The following NAPB variants were observed in gnomAD, a reference collection of about 807,000 sequenced individuals.
The protein encoded by NAPB is beta-soluble NSF attachment protein.
Under a neutral mutation model 44.7 loss-of-function variants are expected in NAPB, and 26 were observed. That is an observed-to-expected ratio of 0.58 (90% CI 0.43 to 0.81). The LOEUF (loss-of-function observed/expected upper bound fraction) is 0.81. Ranked by LOEUF, NAPB falls within the 30% of genes least tolerant of loss-of-function variation. NAPB has a pLI of 0.00. For missense variants in NAPB, 315 were observed against 356.4 expected, an observed-to-expected ratio of 0.88 and a Z score of 0.94; for synonymous variants, 120 against 116.8, an observed-to-expected ratio of 1.03 and a Z score of -0.18.
chr20:23,409,956 T>G (rs1485908411), intron 1 of NAPB, among the ~76,000 whole-genome samples: 1 of 152,126 alleles, frequency 6.6e-6, no homozygotes, highest in Non-Finnish European at 1.5e-5. Flanking sequence ...AGCAAGGAAG[T>G]GCCCTACCAG....
rs528965862 is a variant in NAPB at position 23,397,360 on chromosome 20, G to C, written c.179-172C>G. 1.6e-4 allele frequency among the ~76,000 whole-genome samples: 24 copies of C among 152,294 alleles called. No homozygotes were observed. In the East Asian group the frequency reaches 2.5e-3, roughly 16 times the overall value. On this transcript the variant is annotated intron_variant, in intron 2 of 10. Coordinates refer to ENST00000377026, the MANE Select transcript of NAPB (RefSeq NM_022080.3). ...CCTCGGGCAAATATAAAAATAACCA[G>C]AATCAAGTCAAACAGCGATGAAAGC...
intron 5 of NAPB, among the ~76,000 whole-genome samples, chr20:23,394,199 G>A (rs1388779157): frequency 6.6e-6 from 1 of 152,190 alleles, no homozygotes; most frequent in African/African-American, 2.4e-5. Flanking sequence ...GTGGCATGGG[G>A]ATGTGGGGTT....
chr20:23,379,040 A>G (rs185888352), intron 10 of NAPB: 34 of 154,764 alleles, frequency 2.2e-4, no homozygotes, highest in Admixed American at 1.8e-3. Context: ...GATGGTCTCA[A>G]TTTCCTGACT....
At position 23,410,865 on chromosome 20, in the gene NAPB, T is replaced by C. The variant is rs138832756; in HGVS notation, c.99-7793A>G. 4.8e-4 allele frequency among the ~76,000 whole-genome samples: 73 copies of C among 152,190 alleles called. 1 individual carries two copies. The highest frequency in any genetic ancestry group is 1.5e-3 in the African/African-American group (63 of 41,518). On this transcript the variant is annotated intron_variant, in intron 1 of 10. Transcript: ENST00000377026. ...ATGAAAGTACATCATAAGCTAGAAATTTAAAAACTCATCATGGAAATACAC... is the reference window on the plus strand; with the variant it reads ...ATGAAAGTACATCATAAGCTAGAAACTTAAAAACTCATCATGGAAATACAC...
chr20:23,377,951 C>T (rs1452200074), intron 10 of NAPB, among the ~76,000 whole-genome samples: 3 of 152,108 alleles, frequency 2.0e-5, no homozygotes, highest in East Asian at 3.9e-4. Flanking sequence ...AAAAGTCAGA[C>T]AGGAAAACAT....
chr20:23,399,363 T>A (rs1984650450), intron 2 of NAPB, among the ~76,000 whole-genome samples: 1 of 151,986 alleles, frequency 6.6e-6, no homozygotes, highest in African/African-American at 2.4e-5. Context: ...AGTGCCCTTA[T>A]AAAAGAGGTT....
rs918811549 is a variant in NAPB, at chr20:23,377,213, T to C, written c.*163A>G. 9.9e-6 allele frequency: 4 copies of C among 404,638 alleles called. No homozygotes were observed. Among genetic ancestry groups the C allele is most frequent in the African/African-American group, 6.1e-5 (3 of 49,294 alleles). The allele number at this position is 404,638 out of a possible 1,614,324, so 25.1% of individuals were successfully genotyped here. A position where few individuals can be genotyped will look rare whatever the true frequency, so the allele number is the denominator to read the frequency against. Reference sequence around the variant, plus strand: ...AAGATGAACAGGAGCCTCTCCTTCATTCATTTCACAGCAACACAGACTTGG... The same window carrying C: ...AAGATGAACAGGAGCCTCTCCTTCACTCATTTCACAGCAACACAGACTTGG... On this transcript the variant is annotated 3_prime_UTR_variant, in exon 11 of 11. Transcript: ENST00000377026.
chr20:23,402,521 G>C (rs1984928481), intron 2 of NAPB, among the ~76,000 whole-genome samples: 1 of 152,010 alleles, frequency 6.6e-6, no homozygotes, highest in South Asian at 2.1e-4. Context: ...CCCACTTTCA[G>C]TTCTCAGTGG....
intron 9 of NAPB, 27 bp from the exon 10 acceptor site, chr20:23,379,522 A>C (rs1015015147): frequency 3.2e-6 from 5 of 1,565,856 alleles, no homozygotes; most frequent in Non-Finnish European, 4.4e-6. Flanking sequence ...ATTTTAAAAA[A>C]CAGTTCTGTA....
At chr20:23,379,777 A>G (rs1982849712) in intron 9 of NAPB, 90 bp downstream of exon 9, 3 of 986,476 alleles carry the variant, frequency 3.0e-6, no homozygotes, top group Non-Finnish European at 4.7e-6. Flanking sequence ...GACTTTATAG[A>G]TTAAAACTTC....
Position 23,377,104 on chromosome 20 carries a change from T to C in NAPB, c.*272A>G, listed in dbSNP as rs1982580340. 8.9e-6 allele frequency: 2 copies of C among 225,874 alleles called. No individual in the cohort carries two copies. Among genetic ancestry groups the C allele is most frequent in the Non-Finnish European group, 1.7e-5 (2 of 116,044 alleles). The allele number at this position is 225,874 out of a possible 1,614,324, so 14.0% of individuals were successfully genotyped here. A position where few individuals can be genotyped will look rare whatever the true frequency, so the allele number is the denominator to read the frequency against. On this transcript the variant is annotated 3_prime_UTR_variant, in exon 11 of 11. Transcript: ENST00000377026. ...TAAACATAGGCTCCACAAATACCAA[T>C]GAAATATGAGGAATGAGATTCTGAA...
In NAPB at chr20:23,421,470, C is replaced by T. The variant is rs568465061; in HGVS notation, c.-68G>A. The T allele has an allele frequency of 2.5e-4, 359 of 1,410,678 alleles. 2 individuals carry two copies. The African/African-American group carries it at 4.7e-3, about 19-fold the overall frequency. The allele number at this position is 1,410,678 out of a possible 1,614,324, so 87.4% of individuals were successfully genotyped here. A position where few individuals can be genotyped will look rare whatever the true frequency, so the allele number is the denominator to read the frequency against. On this transcript the variant is annotated 5_prime_UTR_variant, in exon 1 of 11. Coordinates refer to ENST00000377026, the MANE Select transcript of NAPB (RefSeq NM_022080.3). ...GTGCGCCCAGGCGCCTTAACCCTCC[C>T]TCTGGCGGCCGCAGGGACGCAGGCG... is the stretch of plus-strand genomic sequence containing the variant.
Position 23,392,510 on chromosome 20 carries a change from T to TA in NAPB, c.421-2247dup, listed in dbSNP as rs1400490764. 2.0e-5 allele frequency among the ~76,000 whole-genome samples: 3 copies of TA among 151,960 alleles called. No homozygotes were observed. The East Asian group carries it at 5.9e-4, about 30-fold the overall frequency. ...AAAAGACCTCATTTGTATGAAAAAT[T>TA]AAAAAATTAGCCGGGCATGGTGGCA... On this transcript the variant is annotated intron_variant, in intron 5 of 10. Coordinates refer to ENST00000377026, the MANE Select transcript of NAPB (RefSeq NM_022080.3).
At chr20:23,421,137 G>T (rs1600262395) in intron 1 of NAPB, among the ~76,000 whole-genome samples, 168 bp downstream of exon 1, 1 of 151,348 alleles carries the variant, frequency 6.6e-6, no homozygotes, top group East Asian at 2.0e-4. Context: ...TCCAGGGGGC[G>T]CTGGGGGACC....
chr20:23,383,321 A>G (rs1983188520), intron 7 of NAPB, among the ~76,000 whole-genome samples: 1 of 152,188 alleles, frequency 6.6e-6, no homozygotes, highest in Non-Finnish European at 1.5e-5. Context: ...CATTATAATT[A>G]AACTTTTGAA....
At chr20:23,398,378 T>C (rs1054840896) in intron 2 of NAPB, among the ~76,000 whole-genome samples, 1 of 152,158 alleles carries the variant, frequency 6.6e-6, no homozygotes, top group African/African-American at 2.4e-5. Flanking sequence ...CCAATTCTTT[T>C]CTTTTTTTCA....
At chr20:23,383,663 T>C (rs57226979) in intron 7 of NAPB, among the ~76,000 whole-genome samples, 3,073 of 152,292 alleles carry the variant, frequency 0.02, 83 homozygotes, top group African/African-American at 0.07. Context: ...GAAAATTTGT[T>C]GTCAGCAGAC....
intron 5 of NAPB, among the ~76,000 whole-genome samples, chr20:23,391,147 T>C (rs1983925998): frequency 6.6e-6 from 1 of 152,064 alleles, no homozygotes; most frequent in Non-Finnish European, 1.5e-5. Context: ...CTGTCTCTAC[T>C]AAAAAGATAC....
At chr20:23,403,992 C>T (rs80244375) in intron 1 of NAPB, among the ~76,000 whole-genome samples, 1 of 152,142 alleles carries the variant, frequency 6.6e-6, no homozygotes, top group African/African-American at 2.4e-5. Flanking sequence ...CATTTTACAA[C>T]ACCCTGAGAG....
Sources: gnomAD v4.1 joint callset for allele counts (sites outside exome capture counted in the v4.1 genomes callset) on GRCh38, gnomAD v4.1.1 for gene constraint, MANE v1.5 for transcripts, NCBI Gene and HGNC (gene_info 2026-07-23, HGNC 2026-07-21) for gene names.